KPNA1: variants seen among roughly 807,000 people sequenced by gnomAD.
KPNA1 encodes the protein karyopherin subunit alpha 1, also known as importin subunit alpha-5.
KPNA1 carries 10 observed loss-of-function variants against 70.5 expected under a neutral mutation model. The ratio of observed to expected loss-of-function variants is 0.14; its 90% CI spans 0.09 to 0.24. The LOEUF (loss-of-function observed/expected upper bound fraction) is 0.24. Ranked by LOEUF, KPNA1 falls within the 10% of genes least tolerant of loss-of-function variation. The probability of loss-of-function intolerance (pLI) is 1.00; values close to 1 mark genes in which losing one functional copy is unlikely to be tolerated. For missense variants in KPNA1, 397 were observed against 637.9 expected (o/e 0.62, Z 4.07); for synonymous variants, 192 against 221.9 (o/e 0.87, Z 1.20).
At chr3:122,472,880 A>C (rs2076457876) in intron 2 of KPNA1, among the ~76,000 whole-genome samples, 1 of 152,116 alleles carries the variant, frequency 6.6e-6, no homozygotes, top group African/African-American at 2.4e-5. Context: ...CAGGAGTTCA[A>C]GACCAGTGTG....
intron 2 of KPNA1, among the ~76,000 whole-genome samples, chr3:122,473,171 C>CA (rs1235248006): frequency 1.3e-5 from 2 of 152,142 alleles, no homozygotes; most frequent in Admixed American, 1.3e-4. Flanking sequence ...CTGAAAGCCA[C>CA]AAACTACCAA....
intron 1 of KPNA1, among the ~76,000 whole-genome samples, chr3:122,503,515 G>C (rs1012132109): frequency 6.6e-6 from 1 of 152,174 alleles, no homozygotes; most frequent in Non-Finnish European, 1.5e-5. Flanking sequence ...CAAGTCCCAT[G>C]TTCAAATTTG....
At chr3:122,434,010 C>T (rs181478973) in intron 11 of KPNA1, among the ~76,000 whole-genome samples, 339 of 152,210 alleles carry the variant, frequency 2.2e-3, no homozygotes, top group African/African-American at 7.4e-3. Flanking sequence ...AATCTCAGCT[C>T]ACTGCAGCTT....
chr3:122,456,069 G>C (rs893716709), intron 5 of KPNA1, among the ~76,000 whole-genome samples: 1 of 152,142 alleles, frequency 6.6e-6, no homozygotes, highest in Non-Finnish European at 1.5e-5. Flanking sequence ...CCCAGTCATA[G>C]TTTCCTGAAA....
chr3:122,508,944 A>G (rs1310108484), intron 1 of KPNA1, among the ~76,000 whole-genome samples: 2 of 152,150 alleles, frequency 1.3e-5, no homozygotes, highest in African/African-American at 4.8e-5. Flanking sequence ...ACACAAATAT[A>G]CTATAAAATA....
intron 1 of KPNA1, among the ~76,000 whole-genome samples, chr3:122,512,649 A>C (rs904128906): frequency 1.3e-5 from 2 of 152,222 alleles, no homozygotes; most frequent in Admixed American, 6.5e-5. Flanking sequence ...TGCTTGAACC[A>C]GGGAGGCAGA....
At chr3:122,501,246 CA>C (rs1001253506) in intron 1 of KPNA1, among the ~76,000 whole-genome samples, 3 of 151,794 alleles carry the variant, frequency 2.0e-5, no homozygotes, top group African/African-American at 7.3e-5. Context: ...CCAGGCTGGT[CA>C]ACTCCTGACC....
chr3:122,454,124 A>G, intron 5 of KPNA1, 123 bp from the exon 6 acceptor site: 1 of 580,128 alleles, frequency 1.7e-6, no homozygotes, highest in Non-Finnish European at 2.9e-6. Context: ...ATAACCTATC[A>G]GTTGAGTACT....
chr3:122,453,787 C>G (rs2076238064), intron 6 of KPNA1, 83 bp downstream of exon 6: 1 of 1,382,886 alleles, frequency 7.2e-7, no homozygotes. Context: ...ACCTTGGCCT[C>G]CCAAAATGTT....
intron 6 of KPNA1, among the ~76,000 whole-genome samples, chr3:122,452,551 AGGG>A (rs1392776346): frequency 4.3e-4 from 17 of 39,542 alleles, no homozygotes; most frequent in East Asian, 7.0e-4. Flanking sequence ...GGAAGGAGGG[AGGG>A]AGGGAGGGAG....
chr3:122,470,043 G>A (rs1431186939), intron 2 of KPNA1, among the ~76,000 whole-genome samples: 1 of 152,002 alleles, frequency 6.6e-6, no homozygotes, highest in African/African-American at 2.4e-5. Context: ...AAATGATACA[G>A]GTCAGAAACT....
intron 1 of KPNA1, among the ~76,000 whole-genome samples, chr3:122,505,825 T>C (rs367719629): frequency 3.9e-5 from 6 of 152,362 alleles, no homozygotes; most frequent in East Asian, 1.9e-4. Context: ...GCCACCAGCC[T>C]GGCTCAAGTC....
At chr3:122,481,636 A>G (rs980747923) in intron 2 of KPNA1, among the ~76,000 whole-genome samples, 1 of 152,184 alleles carries the variant, frequency 6.6e-6, no homozygotes, top group Non-Finnish European at 1.5e-5. Context: ...TATACTAAAA[A>G]CCACTGAATT....
chr3:122,429,093 T>C (rs1349704806), intron 12 of KPNA1, among the ~76,000 whole-genome samples: 1 of 152,142 alleles, frequency 6.6e-6, no homozygotes. Flanking sequence ...TGTAATCAAC[T>C]TACGATCATT....
At position 122,426,607 on chromosome 3, in the gene KPNA1, A is replaced by C. The variant is rs1449811801; in HGVS notation, c.*378T>G. The C allele has an allele frequency of 5.9e-6, 1 of 170,006 alleles. No homozygotes were observed. The highest frequency in any genetic ancestry group is 1.6e-4 in the East Asian group (1 of 6,074). The allele number at this position is 170,006 out of a possible 1,614,324, so 10.5% of individuals were successfully genotyped here. A position where few individuals can be genotyped will look rare whatever the true frequency, so the allele number is the denominator to read the frequency against. Reference sequence around the variant, plus strand: ...AGATAAAGATTTAGTCTCATCTTTTAATGTCAGTTTTTTCCCCCATGTTAA... The same window carrying C: ...AGATAAAGATTTAGTCTCATCTTTTCATGTCAGTTTTTTCCCCCATGTTAA... On this transcript the variant is annotated 3_prime_UTR_variant, in exon 14 of 14. Transcript: ENST00000344337.
intron 2 of KPNA1, among the ~76,000 whole-genome samples, chr3:122,490,367 A>G (rs1174483120): frequency 1.3e-5 from 2 of 152,202 alleles, no homozygotes; most frequent in Non-Finnish European, 2.9e-5. Flanking sequence ...AGAGATCACT[A>G]TCTTCCACTG....
At chr3:122,496,319 AAC>A (rs9289194) in intron 2 of KPNA1, 116 bp downstream of exon 2, 8,536 of 435,600 alleles carry the variant, frequency 0.02, 3 homozygotes, top group East Asian at 0.041. Flanking sequence ...AGAAGGGGAA[AAC>A]ACACACACAC....
At chr3:122,470,808 C>T (rs1489979124) in intron 2 of KPNA1, among the ~76,000 whole-genome samples, 1 of 150,418 alleles carries the variant, frequency 6.6e-6, no homozygotes, top group African/African-American at 2.4e-5. Flanking sequence ...ATTAAAACCA[C>T]AAAGGCAGAA....
intron 5 of KPNA1, chr3:122,459,762 G>C: frequency 1.0e-6 from 1 of 985,406 alleles, no homozygotes. Context: ...ATGTGACATT[G>C]AAGTACTCTA....
Sources: allele counts gnomAD v4.1 joint callset (sites outside exome capture counted in the v4.1 genomes callset), GRCh38; gene constraint gnomAD v4.1.1; transcripts MANE v1.5; gene names NCBI Gene and HGNC (gene_info 2026-07-23, HGNC 2026-07-21).